POU6F2: variants seen among roughly 807,000 people sequenced by gnomAD.
POU6F2 encodes the protein POU class 6 homeobox 2, also known as POU domain, class 6, transcription factor 2.
POU6F2 carries 31 observed loss-of-function variants against 71.3 expected under a neutral mutation model. That is an observed-to-expected ratio of 0.43 (90% CI 0.33 to 0.59). The LOEUF is 0.59. POU6F2 is among the 20% of genes least tolerant of loss of function. POU6F2 has a pLI of 0.04. For missense variants in POU6F2, 783 were observed against 856.8 expected, an observed-to-expected ratio of 0.91 and a Z score of 1.07; for synonymous variants, 347 against 355.7, an observed-to-expected ratio of 0.98 and a Z score of 0.27.
intron 1 of POU6F2, among the ~76,000 whole-genome samples, chr7:39,079,014 G>A (rs1171398059): frequency 6.6e-6 from 1 of 152,130 alleles, no homozygotes; most frequent in Non-Finnish European, 1.5e-5. Context: ...GGTGACTCGT[G>A]CTCCAAACTG....
At chr7:39,017,323 T>C (rs1410818994) in intron 1 of POU6F2, among the ~76,000 whole-genome samples, 1 of 152,240 alleles carries the variant, frequency 6.6e-6, no homozygotes, top group Non-Finnish European at 1.5e-5. Context: ...GTAGATTTGT[T>C]AGTGATTTAT....
chr7:39,426,056 G>C (rs1787963749), intron 6 of POU6F2, among the ~76,000 whole-genome samples: 1 of 152,144 alleles, frequency 6.6e-6, no homozygotes, highest in Non-Finnish European at 1.5e-5. Flanking sequence ...GCCCCAACTG[G>C]GGCTCCTTCC....
rs539415530 is a variant in POU6F2 at position 39,321,494 on chromosome 7, G to T, written c.599-18148G>T. 1.1e-4 allele frequency among the ~76,000 whole-genome samples: 17 copies of T among 152,338 alleles called. 1 individual carries two copies. Among genetic ancestry groups the T allele is most frequent in the Admixed American group, 1.0e-3 (16 of 15,310 alleles). On this transcript the variant is annotated intron_variant, in intron 4 of 9. Transcript: ENST00000518318. The stretch of plus-strand genomic sequence containing the variant: ...GAATATTGGGAGCTAAAACCTGAAA[G>T]TGGGCTTAGAGCAGAGTCGTGAAGG...
intron 4 of POU6F2, among the ~76,000 whole-genome samples, chr7:39,298,239 G>A (rs1352852278): frequency 2.0e-5 from 3 of 152,142 alleles, no homozygotes; most frequent in Non-Finnish European, 4.4e-5. Flanking sequence ...CCCACAGAAT[G>A]GGAGAAAATT....
chr7:39,035,764 C>T lies in POU6F2; in HGVS notation c.106-50096C>T, dbSNP rs1394849824. ...TCTAAAAGATAACATTGCTCCCTAG[C>T]TTTTAATTTAAACTTAATTTAATTT... On this transcript the variant is annotated intron_variant, in intron 1 of 9. Transcript: ENST00000518318. Among the ~76,000 whole-genome samples the T allele has an allele frequency of 2.0e-5, 3 of 151,596 alleles. No individual in the cohort carries two copies. The East Asian group carries it at 5.8e-4, about 29-fold the overall frequency.
At chr7:39,110,530 T>A (rs1791786231) in intron 2 of POU6F2, among the ~76,000 whole-genome samples, 1 of 151,028 alleles carries the variant, frequency 6.6e-6, no homozygotes, top group Non-Finnish European at 1.5e-5. Context: ...AGGGAGAGAG[T>A]ATTTACACTA....
chr7:39,007,683 A>C (rs77455912), intron 1 of POU6F2, among the ~76,000 whole-genome samples: 14 of 149,380 alleles, frequency 9.4e-5, no homozygotes, highest in East Asian at 6.0e-4. Context: ...CCACTCCCCC[A>C]ACCCCACCAC....
chr7:39,095,090 A>G (rs1791429340), intron 2 of POU6F2, among the ~76,000 whole-genome samples: 1 of 152,204 alleles, frequency 6.6e-6, no homozygotes, highest in South Asian at 2.1e-4. Flanking sequence ...TCTATAATCT[A>G]TGAATGGGTA....
intron 1 of POU6F2, among the ~76,000 whole-genome samples, chr7:39,043,836 G>A (rs910039880): frequency 2.6e-5 from 4 of 151,958 alleles, no homozygotes; most frequent in Non-Finnish European, 5.9e-5. Context: ...CTAGCTTGGT[G>A]TAGTCTTGAT....
At chr7:39,087,249 C>T (rs374692446) in intron 2 of POU6F2, among the ~76,000 whole-genome samples, 1 of 151,562 alleles carries the variant, frequency 6.6e-6, no homozygotes, top group African/African-American at 2.4e-5. Flanking sequence ...TCTAGGCTAG[C>T]GTGCTTCAAC....
intron 4 of POU6F2, among the ~76,000 whole-genome samples, chr7:39,239,433 T>C (rs540719040): frequency 1.3e-5 from 2 of 152,310 alleles, no homozygotes; most frequent in South Asian, 4.1e-4. Context: ...TTATCCCACT[T>C]AGTATGAAAA....
chr7:39,429,107 C>T (rs113179140), intron 6 of POU6F2, among the ~76,000 whole-genome samples: 5,254 of 72,054 alleles, frequency 0.073, 263 homozygotes, highest in African/African-American at 0.22. Context: ...GAACTTAAAG[C>T]ATAATAATAA....
chr7:39,066,948 AT>A (rs1442611641), intron 1 of POU6F2, among the ~76,000 whole-genome samples: 1 of 148,006 alleles, frequency 6.8e-6, no homozygotes, highest in Non-Finnish European at 1.5e-5. Flanking sequence ...GAAATATACC[AT>A]TAAAATATAT....
intron 4 of POU6F2, among the ~76,000 whole-genome samples, chr7:39,265,624 T>C (rs1784225750): frequency 6.6e-6 from 1 of 152,212 alleles, no homozygotes; most frequent in Non-Finnish European, 1.5e-5. Flanking sequence ...CATAGTTTTT[T>C]CCCCAACCTG....
chr7:39,180,721 A>G (rs1186611729), intron 2 of POU6F2, among the ~76,000 whole-genome samples: 1 of 152,052 alleles, frequency 6.6e-6, no homozygotes, highest in Non-Finnish European at 1.5e-5. Context: ...CACTGTCCTG[A>G]AATGCTTGAT....
At chr7:39,161,317 T>G (rs1389854153) in intron 2 of POU6F2, among the ~76,000 whole-genome samples, 2 of 152,336 alleles carry the variant, frequency 1.3e-5, no homozygotes, top group East Asian at 3.9e-4. Context: ...TTTACATGCA[T>G]CTCATTGAAA....
At chr7:39,155,124 C>A (rs1413961053) in intron 2 of POU6F2, among the ~76,000 whole-genome samples, 1 of 152,018 alleles carries the variant, frequency 6.6e-6, no homozygotes, top group East Asian at 1.9e-4. Context: ...AAAGCAATCT[C>A]ATATCCAAGC....
At chr7:39,159,362 C>T (rs1276267983) in intron 2 of POU6F2, among the ~76,000 whole-genome samples, 1 of 152,114 alleles carries the variant, frequency 6.6e-6, no homozygotes, top group Non-Finnish European at 1.5e-5. Context: ...CATTCTTCAA[C>T]GCTCATCCAA....
intron 6 of POU6F2, among the ~76,000 whole-genome samples, chr7:39,417,410 A>G (rs1410055795): frequency 6.6e-6 from 1 of 152,198 alleles, no homozygotes; most frequent in African/African-American, 2.4e-5. Context: ...TTAAGTTCAA[A>G]TGTAGGCCTT....
Sources: allele counts gnomAD v4.1 joint callset (sites outside exome capture counted in the v4.1 genomes callset), GRCh38; gene constraint gnomAD v4.1.1; transcripts MANE v1.5; gene names NCBI Gene and HGNC (gene_info 2026-07-23, HGNC 2026-07-21).